CADM2: variants seen among roughly 807,000 people sequenced by gnomAD.
The protein encoded by CADM2 is cell adhesion molecule 2.
CADM2 carries 12 observed loss-of-function variants against 49.8 expected under a neutral mutation model. That is an observed-to-expected ratio of 0.24 (90% confidence interval 0.15 to 0.39). The LOEUF (loss-of-function observed/expected upper bound fraction) is 0.39. CADM2 is among the 10% of genes least tolerant of loss of function. CADM2 has a pLI of 1.00. For missense variants in CADM2, 378 were observed against 492.3 expected (o/e 0.77, Z 2.20); for synonymous variants, 214 against 175.4 (o/e 1.22, Z -1.74).
chr3:85,943,980 A>G (rs1042620507), intron 7 of CADM2, among the ~76,000 whole-genome samples: 1 of 152,072 alleles, frequency 6.6e-6, no homozygotes. Context: ...ACACTGGCAA[A>G]TTGGATAAAC....
At chr3:85,801,991 C>CGA in intron 2 of CADM2, 56 bp from the exon 3 acceptor site, 1 of 1,258,656 alleles carries the variant, frequency 7.9e-7, no homozygotes, top group Non-Finnish European at 1.0e-6. Context: ...AGATCTTAGG[C>CGA]AGTTAATCAT....
chr3:84,963,886 G>A (rs1559592349), intron 1 of CADM2, among the ~76,000 whole-genome samples: 1 of 142,774 alleles, frequency 7.0e-6, no homozygotes. Flanking sequence ...TTGAAATACA[G>A]TTTTCTCACT....
intron 2 of CADM2, among the ~76,000 whole-genome samples, chr3:85,731,366 G>A (rs748957922): frequency 1.3e-5 from 2 of 152,040 alleles, no homozygotes; most frequent in Admixed American, 6.6e-5. Flanking sequence ...TTTGCAACTC[G>A]CTAGATTTGA....
intron 8 of CADM2, among the ~76,000 whole-genome samples, chr3:85,980,346 T>C (rs1727326506): frequency 1.3e-5 from 2 of 151,510 alleles, no homozygotes; most frequent in Admixed American, 6.6e-5. Context: ...ATTCTAGATA[T>C]TAAGTTGATT....
At chr3:85,248,827 A>G (rs1169291841) in intron 1 of CADM2, among the ~76,000 whole-genome samples, 2 of 152,170 alleles carry the variant, frequency 1.3e-5, no homozygotes, top group African/African-American at 4.8e-5. Flanking sequence ...TTGACTCAAT[A>G]AATACATCAG....
intron 1 of CADM2, among the ~76,000 whole-genome samples, chr3:85,634,365 A>C (rs2064396796): frequency 6.6e-6 from 1 of 152,016 alleles, no homozygotes; most frequent in Non-Finnish European, 1.5e-5. Flanking sequence ...TACTGAACTG[A>C]AGACATTGCC....
chr3:85,685,592 C>T (rs1277842349), intron 1 of CADM2, among the ~76,000 whole-genome samples: 1 of 145,538 alleles, frequency 6.9e-6, no homozygotes, highest in Non-Finnish European at 1.5e-5. Context: ...TACAATTGAA[C>T]AATTGAAACA....
At chr3:85,832,724 T>C (rs529666672) in intron 3 of CADM2, among the ~76,000 whole-genome samples, 1 of 152,120 alleles carries the variant, frequency 6.6e-6, no homozygotes, top group South Asian at 2.1e-4. Flanking sequence ...TAGAGTTTTC[T>C]GGGTATAGAA....
At chr3:85,099,083 A>C in intron 1 of CADM2, among the ~76,000 whole-genome samples, 1 of 152,194 alleles carries the variant, frequency 6.6e-6, no homozygotes, top group East Asian at 1.9e-4. Context: ...CAGAGAATGT[A>C]TACACCATTT....
chr3:85,178,600 C>T (rs889653573), intron 1 of CADM2, among the ~76,000 whole-genome samples: 1 of 151,694 alleles, frequency 6.6e-6, no homozygotes, highest in African/African-American at 2.4e-5. Flanking sequence ...GAAATATGCA[C>T]TGAGATATTT....
intron 1 of CADM2, among the ~76,000 whole-genome samples, chr3:85,608,257 A>T (rs2063586564): frequency 6.6e-6 from 1 of 152,194 alleles, no homozygotes; most frequent in Admixed American, 6.6e-5. Context: ...GCAAAGTATT[A>T]TATTTTCAAC....
intron 1 of CADM2, among the ~76,000 whole-genome samples, chr3:85,428,415 ATAAG>A (rs1444378714): frequency 6.9e-6 from 1 of 145,820 alleles, no homozygotes; most frequent in East Asian, 2.0e-4. Flanking sequence ...CCCTATGGGA[ATAAG>A]TAAGGCTTAT....
intron 1 of CADM2, among the ~76,000 whole-genome samples, chr3:85,625,984 T>A (rs190720130): frequency 6.6e-6 from 1 of 152,156 alleles, no homozygotes. Flanking sequence ...TTTGAAATTA[T>A]GTAAGTATTT....
At chr3:84,975,506 TAA>T (rs902587998) in intron 1 of CADM2, among the ~76,000 whole-genome samples, 1 of 151,858 alleles carries the variant, frequency 6.6e-6, no homozygotes, top group African/African-American at 2.4e-5. Flanking sequence ...AACCCGGATA[TAA>T]AGTAATGAAG....
intron 1 of CADM2, among the ~76,000 whole-genome samples, chr3:85,711,821 T>C (rs1316904724): frequency 6.6e-6 from 1 of 152,190 alleles, no homozygotes; most frequent in East Asian, 1.9e-4. Flanking sequence ...TATGAACTGT[T>C]ACATATTATG....
intron 1 of CADM2, among the ~76,000 whole-genome samples, chr3:85,501,259 C>T (rs112918716): frequency 3.9e-5 from 6 of 152,230 alleles, no homozygotes; most frequent in African/African-American, 1.4e-4. Flanking sequence ...TATTAAATGT[C>T]AATGACTTTA....
intron 1 of CADM2, among the ~76,000 whole-genome samples, chr3:85,345,240 G>T (rs1284150428): frequency 6.9e-6 from 1 of 144,884 alleles, no homozygotes; most frequent in African/African-American, 2.5e-5. Flanking sequence ...CTTGAACCCG[G>T]GAGGCAGAGG....
intron 1 of CADM2, among the ~76,000 whole-genome samples, chr3:85,585,045 C>G (rs968393320): frequency 3.3e-5 from 5 of 152,008 alleles, no homozygotes; most frequent in African/African-American, 1.2e-4. Flanking sequence ...ATGGAAACTT[C>G]TAGAAATCAA....
At chr3:85,024,929 G>A (rs544210021) in intron 1 of CADM2, among the ~76,000 whole-genome samples, 23 of 151,870 alleles carry the variant, frequency 1.5e-4, no homozygotes, top group African/African-American at 5.5e-4. Context: ...CTGTGATTGT[G>A]TTAAGGCGTC....
Sources: allele counts gnomAD v4.1 joint callset (sites outside exome capture counted in the v4.1 genomes callset), GRCh38; gene constraint gnomAD v4.1.1; transcripts MANE v1.5; gene names NCBI Gene and HGNC (gene_info 2026-07-23, HGNC 2026-07-21).